Variants in NRXN3 observed in about 807,000 individuals in gnomAD.
NRXN3 encodes the protein neurexin 3.
NRXN3 carries 32 observed loss-of-function variants against 137.6 expected under a neutral mutation model. The observed-to-expected ratio is 0.23, with a 90% confidence interval of 0.18 to 0.31. NRXN3 has a LOEUF of 0.31. Ranked by LOEUF, NRXN3 falls within the 10% of genes least tolerant of loss-of-function variation. The probability of loss-of-function intolerance (pLI) is 1.00; values close to 1 mark genes in which losing one functional copy is unlikely to be tolerated. For synonymous variants in NRXN3, 798 were observed against 784.5 expected, an observed-to-expected ratio of 1.02 and a Z score of -0.29; for missense variants, 1,574 against 2,062.5, an observed-to-expected ratio of 0.76 and a Z score of 4.59.
intron 10 of NRXN3, among the ~76,000 whole-genome samples, chr14:78,875,916 T>A (rs2099112973): frequency 6.6e-6 from 1 of 152,120 alleles, no homozygotes; most frequent in Non-Finnish European, 1.5e-5. Context: ...GAACAACTAC[T>A]CCCCTTGTAT....
chr14:78,842,044 C>T (rs2099013931), intron 10 of NRXN3, among the ~76,000 whole-genome samples: 1 of 152,086 alleles, frequency 6.6e-6, no homozygotes, highest in Non-Finnish European at 1.5e-5. Context: ...TTATCCTTTG[C>T]CTTGGGAATC....
chr14:78,617,841 G>A (rs1186546556), intron 4 of NRXN3, among the ~76,000 whole-genome samples: 2 of 151,132 alleles, frequency 1.3e-5, no homozygotes. Flanking sequence ...ATCTATATCT[G>A]TCTATCTATC....
chr14:78,954,181 G>T (rs2099392241), intron 10 of NRXN3, among the ~76,000 whole-genome samples: 1 of 152,068 alleles, frequency 6.6e-6, no homozygotes, highest in African/African-American at 2.4e-5. Context: ...TCTTTGCCTT[G>T]ATTTCCCGCT....
intron 4 of NRXN3, among the ~76,000 whole-genome samples, chr14:78,518,186 G>A (rs558370510): frequency 2.6e-5 from 4 of 152,226 alleles, no homozygotes; most frequent in African/African-American, 4.8e-5. Flanking sequence ...ATTTTCAGTG[G>A]TTCTTGGCAA....
intron 19 of NRXN3, among the ~76,000 whole-genome samples, chr14:79,804,763 A>C (rs909898348): frequency 1.3e-5 from 2 of 152,166 alleles, no homozygotes; most frequent in African/African-American, 4.8e-5. Flanking sequence ...CCCATCCTTT[A>C]CAACAGCCCT....
chr14:79,242,841 G>C (rs1420232616), intron 15 of NRXN3, among the ~76,000 whole-genome samples: 3 of 152,100 alleles, frequency 2.0e-5, no homozygotes, highest in Non-Finnish European at 4.4e-5. Flanking sequence ...CATTACATAT[G>C]TTCTATGCTG....
intron 1 of NRXN3, among the ~76,000 whole-genome samples, chr14:78,203,969 A>G (rs1052590572): frequency 9.9e-5 from 15 of 151,972 alleles, no homozygotes; most frequent in African/African-American, 3.6e-4. Flanking sequence ...TTTTAGTGTT[A>G]TAATGTGAGC....
chr14:79,099,844 C>T (rs1274747157), intron 15 of NRXN3, among the ~76,000 whole-genome samples: 3 of 152,098 alleles, frequency 2.0e-5, no homozygotes, highest in African/African-American at 7.2e-5. Context: ...ATGCCTGTGC[C>T]AAGTCTTCCT....
chr14:78,969,629 T>TA (rs1017474064), intron 14 of NRXN3, among the ~76,000 whole-genome samples: 3 of 152,194 alleles, frequency 2.0e-5, no homozygotes, highest in Non-Finnish European at 4.4e-5. Context: ...CACACATTTA[T>TA]AAAAGCTTCC....
At chr14:79,204,509 A>G (rs1176746537) in intron 15 of NRXN3, among the ~76,000 whole-genome samples, 5 of 152,154 alleles carry the variant, frequency 3.3e-5, no homozygotes, top group Admixed American at 6.6e-5. Context: ...TGCCTACCCA[A>G]AGAAAGCAGC....
intron 15 of NRXN3, among the ~76,000 whole-genome samples, chr14:79,074,930 T>TC (rs2045718332): frequency 6.6e-6 from 1 of 152,068 alleles, no homozygotes; most frequent in African/African-American, 2.4e-5. Context: ...TAAGATCAAG[T>TC]CCCCCTTGGG....
At chr14:78,611,178 C>T (rs1423462251) in intron 4 of NRXN3, among the ~76,000 whole-genome samples, 2 of 152,132 alleles carry the variant, frequency 1.3e-5, no homozygotes, top group Non-Finnish European at 2.9e-5. Context: ...CATTTAATAT[C>T]GACTCTGGCA....
rs80332518 is a variant in NRXN3 at position 79,841,866 on chromosome 14, G to A, written c.4094-19476G>A. 4.7e-4 allele frequency among the ~76,000 whole-genome samples: 71 copies of A among 152,298 alleles called. 2 individuals are homozygous for A. In the East Asian group the frequency reaches 0.013, roughly 28 times the overall value. ...AGCTGTGGATAAGAAGGTCCAATTTGCATTGGAACTGCTAACTAGGACTCA... is the reference window on the plus strand; with the variant it reads ...AGCTGTGGATAAGAAGGTCCAATTTACATTGGAACTGCTAACTAGGACTCA... On this transcript the variant is annotated intron_variant, in intron 20 of 20. Coordinates refer to ENST00000335750, the MANE Select transcript of NRXN3 (RefSeq NM_001330195.2).
In NRXN3 at chr14:78,813,712, TA is replaced by T. The variant is rs370892063; in HGVS notation, c.2275+3369del. Among the ~76,000 whole-genome samples the T allele has an allele frequency of 3.4e-3, 522 of 152,262 alleles. 1 individual carries two copies. Among genetic ancestry groups the T allele is most frequent in the African/African-American group, 0.012 (512 of 41,550 alleles). On this transcript the variant is annotated intron_variant, in intron 10 of 20. Coordinates refer to ENST00000335750, the MANE Select transcript of NRXN3 (RefSeq NM_001330195.2). ...AATGTTGTTTGTTCTGGGAAATGGCTATTTCCAAGGCATTCTGTGACACTCT... is the reference window on the plus strand; with the variant it reads ...AATGTTGTTTGTTCTGGGAAATGGCTTTTCCAAGGCATTCTGTGACACTCT...
At chr14:78,278,393 A>G (rs566776326) in intron 2 of NRXN3, among the ~76,000 whole-genome samples, 1 of 152,170 alleles carries the variant, frequency 6.6e-6, no homozygotes, top group African/African-American at 2.4e-5. Flanking sequence ...CTTTCCGGAC[A>G]GATGTGAAGC....
chr14:79,853,171 G>C lies in NRXN3; in HGVS notation c.4094-8171G>C, dbSNP rs1351913504. Among the ~76,000 whole-genome samples, 7 of 152,164 alleles carry C rather than the reference G, an allele frequency of 4.6e-5. No individual in the cohort carries two copies. In the South Asian group the frequency reaches 6.2e-4, roughly 13 times the overall value. On this transcript the variant is annotated intron_variant, in intron 20 of 20. Transcript: ENST00000335750. ...ACCCAGTGCGTGGGCCCCCTGCTTAGTAGTGCGTCTCAATCACCTCTGTAG... is the reference window on the plus strand; with the variant it reads ...ACCCAGTGCGTGGGCCCCCTGCTTACTAGTGCGTCTCAATCACCTCTGTAG...
chr14:78,443,145 A>G (rs1387661205), intron 4 of NRXN3, among the ~76,000 whole-genome samples: 1 of 152,250 alleles, frequency 6.6e-6, no homozygotes, highest in Admixed American at 6.5e-5. Flanking sequence ...AATTCTTTTC[A>G]AAATGGGAAT....
chr14:79,658,003 G>A (rs1313017640), intron 16 of NRXN3, among the ~76,000 whole-genome samples: 1 of 152,056 alleles, frequency 6.6e-6, no homozygotes, highest in Non-Finnish European at 1.5e-5. Flanking sequence ...CATTTACTGA[G>A]CTCATGTTAG....
At chr14:79,110,513 C>T (rs1177803032) in intron 15 of NRXN3, among the ~76,000 whole-genome samples, 1 of 152,186 alleles carries the variant, frequency 6.6e-6, no homozygotes, top group African/African-American at 2.4e-5. Flanking sequence ...GTTCCAAAAG[C>T]TTAGAATGGT....
Sources: gnomAD v4.1 joint callset for allele counts (sites outside exome capture counted in the v4.1 genomes callset) on GRCh38, gnomAD v4.1.1 for gene constraint, MANE v1.5 for transcripts, NCBI Gene and HGNC (gene_info 2026-07-23, HGNC 2026-07-21) for gene names.